Variants in AMPH observed in about 807,000 individuals in gnomAD.
AMPH encodes amphiphysin, also known as amphiphysin (Stiff-Mann syndrome with breast cancer 128kD autoantigen).
Under a neutral mutation model 99.1 loss-of-function variants are expected in AMPH, and 49 were observed. The observed-to-expected ratio is 0.49, with a 90% CI of 0.39 to 0.63. AMPH has a LOEUF of 0.63. Ranked by LOEUF, AMPH falls within the 20% of genes least tolerant of loss-of-function variation. AMPH has a pLI of 0.00. For synonymous variants in AMPH, 314 were observed against 317.3 expected (o/e 0.99, Z 0.11); for missense variants, 759 against 863.4 (o/e 0.88, Z 1.52).
At position 38,461,269 on chromosome 7, in the gene AMPH, A is replaced by C. The variant is rs1309747400; in HGVS notation, c.1017+14T>G. The C allele has an allele frequency of 3.1e-6, 5 of 1,613,394 alleles. No homozygotes were observed. The Admixed American group carries it at 6.7e-5, about 22-fold the overall frequency. ...GACTTTCATGGACATACCAGCCCTGAACCAGGCACTTACCTGGGAAGGTGT... is the reference window on the plus strand; with the variant it reads ...GACTTTCATGGACATACCAGCCCTGCACCAGGCACTTACCTGGGAAGGTGT... On this transcript the variant is annotated intron_variant, in intron 11 of 20. Transcript: ENST00000356264.
chr7:38,390,012 T>A, intron 19 of AMPH, 107 bp from the exon 20 acceptor site: 1 of 886,798 alleles, frequency 1.1e-6, no homozygotes, highest in Non-Finnish European at 1.8e-6. Context: ...ATATTTGCCA[T>A]ATCCCAAGGA....
rs527747999 is a variant in AMPH at position 38,480,354 on chromosome 7, C to G, written c.397-3385G>C. On this transcript the variant is annotated intron_variant, in intron 5 of 20. Coordinates refer to ENST00000356264, the MANE Select transcript of AMPH (RefSeq NM_001635.4). ...CCTTACTCTCAGGGTCATGTGAGTGCAGGGTTAGCAACTTCCTCCCTCTAA... is the reference window on the plus strand; with the variant it reads ...CCTTACTCTCAGGGTCATGTGAGTGGAGGGTTAGCAACTTCCTCCCTCTAA... Among the ~76,000 whole-genome samples the G allele has an allele frequency of 7.2e-5, 11 of 152,142 alleles. No individual in the cohort carries two copies. The South Asian group carries it at 1.5e-3, about 20-fold the overall frequency.
intron 16 of AMPH, among the ~76,000 whole-genome samples, 197 bp downstream of exon 16, chr7:38,422,224 C>T (rs1021349032): frequency 7.2e-5 from 11 of 152,138 alleles, no homozygotes; most frequent in African/African-American, 2.7e-4. Context: ...AATCACTGTG[C>T]CTGTGTGAAT....
At position 38,384,531 on chromosome 7, in the gene AMPH, CT is replaced by C; in HGVS notation, c.*286del. 1 of 298,150 alleles carries C rather than the reference CT, an allele frequency of 3.4e-6. No homozygotes were observed. The highest frequency in any genetic ancestry group is 6.5e-6 in the Non-Finnish European group (1 of 154,014). The allele number at this position is 298,150 out of a possible 1,614,324, so 18.5% of individuals were successfully genotyped here. A position where few individuals can be genotyped will look rare whatever the true frequency, so the allele number is the denominator to read the frequency against. On this transcript the variant is annotated 3_prime_UTR_variant, in exon 21 of 21. Coordinates refer to ENST00000356264, the MANE Select transcript of AMPH (RefSeq NM_001635.4). The stretch of plus-strand genomic sequence containing the variant: ...TTAAAGTCTGATCTGGAGAAAGCTA[CT>C]TTAGAATTGGTGGGAGGGGATCAAG...
intron 11 of AMPH, among the ~76,000 whole-genome samples, chr7:38,455,901 C>T (rs548474536): frequency 2.6e-5 from 4 of 152,230 alleles, no homozygotes; most frequent in Middle Eastern, 3.2e-3. Context: ...GGAGAGGCCT[C>T]GCACTTTCAT....
intron 7 of AMPH, among the ~76,000 whole-genome samples, chr7:38,473,829 T>C (rs1787985760): frequency 6.6e-6 from 1 of 151,618 alleles, no homozygotes; most frequent in Non-Finnish European, 1.5e-5. Flanking sequence ...TTTGTGATTT[T>C]AAATAAATGT....
At chr7:38,509,349 A>G (rs1216966038) in intron 2 of AMPH, among the ~76,000 whole-genome samples, 1 of 152,182 alleles carries the variant, frequency 6.6e-6, no homozygotes, top group Non-Finnish European at 1.5e-5. Flanking sequence ...CCCAATTTCC[A>G]ACTATCCCTG....
At chr7:38,439,511 C>T (rs4720281) in intron 11 of AMPH, among the ~76,000 whole-genome samples, 86,834 of 152,060 alleles carry the variant, frequency 0.57, 25,366 homozygotes, top group East Asian at 0.87. Context: ...AGGGCAGGAA[C>T]GTACTCACAA....
Position 38,394,015 on chromosome 7 carries a change from G to C in AMPH, c.1598C>G (p.Thr533Arg). 6.2e-7 allele frequency: 1 copy of C among 1,614,208 alleles called. No homozygotes were observed. Among genetic ancestry groups the C allele is most frequent in the Non-Finnish European group, 8.5e-7 (1 of 1,180,032 alleles). Residue 533 changes from threonine to arginine, a missense_variant, in exon 18 of 21, where the codon ACA becomes AGA. This residue lies in a region of AMPH where 554 missense variants were observed against 575.6 expected (regional missense o/e 0.96). Transcript: ENST00000356264. ...ACATGGGACACTCACCTGAGGCACT[G>C]TTGCTTCGAGCTCCTCTGCTTCAGG... ...AQPEAEELEA[T>R]VPQEKVIPSV...
chr7:38,526,939 A>G (rs1562807968), intron 2 of AMPH, among the ~76,000 whole-genome samples: 3 of 152,172 alleles, frequency 2.0e-5, no homozygotes. Flanking sequence ...TTAATTTTGT[A>G]TAAGGGTTAG....
At chr7:38,486,980 G>C (rs1788522234) in intron 5 of AMPH, among the ~76,000 whole-genome samples, 1 of 152,054 alleles carries the variant, frequency 6.6e-6, no homozygotes, top group Non-Finnish European at 1.5e-5. Flanking sequence ...ATATCCAGTA[G>C]TGAAAAAGTG....
chr7:38,452,039 C>T (rs946942521), intron 11 of AMPH, among the ~76,000 whole-genome samples: 45 of 152,164 alleles, frequency 3.0e-4, no homozygotes, highest in African/African-American at 1.0e-3. Context: ...CTCTCCAGAT[C>T]TAATGGATTT....
intron 1 of AMPH, among the ~76,000 whole-genome samples, chr7:38,556,744 A>G (rs2129047619): frequency 6.6e-6 from 1 of 152,028 alleles, no homozygotes; most frequent in East Asian, 1.9e-4. Context: ...TCCCAATTCC[A>G]CTGTAAGTTT....
intron 1 of AMPH, among the ~76,000 whole-genome samples, chr7:38,631,049 A>G (rs1409448217): frequency 6.6e-6 from 1 of 152,126 alleles, no homozygotes; most frequent in East Asian, 1.9e-4. Flanking sequence ...CTCCGGGGCC[A>G]GGGTCTGCGG....
rs139503251 is a variant in AMPH, at chr7:38,627,221, C to T, written c.69+4062G>A. Among the ~76,000 whole-genome samples the T allele has an allele frequency of 7.9e-3, 1,204 of 151,982 alleles. 17 individuals carry two copies. The highest frequency in any genetic ancestry group is 0.027 in the African/African-American group (1,125 of 41,422). On this transcript the variant is annotated intron_variant, in intron 1 of 20. Coordinates refer to ENST00000356264, the MANE Select transcript of AMPH (RefSeq NM_001635.4). Reference sequence around the variant, plus strand: ...TAGGCACAAGGCCCAGTTTGGGCCACTGAGAGTTATACCAAAGAGTTCTGT... The same window carrying T: ...TAGGCACAAGGCCCAGTTTGGGCCATTGAGAGTTATACCAAAGAGTTCTGT...
At chr7:38,571,372 A>T (rs1181311380) in intron 1 of AMPH, among the ~76,000 whole-genome samples, 3 of 76,462 alleles carry the variant, frequency 3.9e-5, no homozygotes, top group Admixed American at 1.9e-4. Context: ...GAATATATAT[A>T]TTTTTATATA....
chr7:38,485,491 G>A (rs1415041884), intron 5 of AMPH, among the ~76,000 whole-genome samples: 1 of 151,694 alleles, frequency 6.6e-6, no homozygotes, highest in African/African-American at 2.4e-5. Flanking sequence ...AGAAACAGAC[G>A]GCAATATAAT....
intron 11 of AMPH, among the ~76,000 whole-genome samples, chr7:38,439,414 T>C (rs1317936469): frequency 6.6e-6 from 1 of 152,212 alleles, no homozygotes; most frequent in Non-Finnish European, 1.5e-5. Flanking sequence ...GAATTATCCC[T>C]TAAGGTACTC....
chr7:38,522,424 G>A (rs1465113782), intron 2 of AMPH, among the ~76,000 whole-genome samples: 2 of 152,164 alleles, frequency 1.3e-5, no homozygotes, highest in African/African-American at 4.8e-5. Flanking sequence ...TTTTAAACAA[G>A]CGGGATACTT....
Sources: allele counts gnomAD v4.1 joint callset (sites outside exome capture counted in the v4.1 genomes callset), GRCh38; gene constraint gnomAD v4.1.1; regional missense constraint gnomAD v4.1.1; transcripts MANE v1.5; gene names NCBI Gene and HGNC (gene_info 2026-07-23, HGNC 2026-07-21).